Variants in GFRA1 observed in about 807,000 individuals in gnomAD.
GFRA1 encodes the protein GDNF family receptor alpha-1.
A neutral mutation model predicts 51.6 loss-of-function variants in GFRA1; 16 were observed. The ratio of observed to expected loss-of-function variants is 0.31; its 90% CI spans 0.21 to 0.47. The LOEUF (loss-of-function observed/expected upper bound fraction) is 0.47, where lower values mean the gene tolerates loss of function less well. Ranked by LOEUF, GFRA1 falls within the 20% of genes least tolerant of loss-of-function variation. GFRA1 has a pLI of 1.00. For missense variants in GFRA1, 530 were observed against 594.3 expected (o/e 0.89, Z 1.13); for synonymous variants, 270 against 241.3 (o/e 1.12, Z -1.10).
At chr10:116,163,837 T>C (rs1344997476) in intron 5 of GFRA1, among the ~76,000 whole-genome samples, 1 of 152,246 alleles carries the variant, frequency 6.6e-6, no homozygotes, top group Non-Finnish European at 1.5e-5. Flanking sequence ...TGAGGGGTTC[T>C]AACTTGAGTG....
chr10:116,233,307 G>A (rs909268638), intron 4 of GFRA1, among the ~76,000 whole-genome samples: 2 of 151,370 alleles, frequency 1.3e-5, no homozygotes, highest in African/African-American at 2.4e-5. Context: ...CAGCCTGGGC[G>A]ACAGAGTGAG....
At chr10:116,123,367 T>C (rs940775039) in intron 6 of GFRA1, among the ~76,000 whole-genome samples, 2 of 152,184 alleles carry the variant, frequency 1.3e-5, no homozygotes, top group African/African-American at 4.8e-5. Context: ...GTCATCCGAG[T>C]CCTTCCTCAT....
rs1040598308 is a variant in GFRA1, at chr10:116,096,508, C to T, written c.880+147G>A. 4.7e-6 allele frequency: 3 copies of T among 642,982 alleles called. No individual in the cohort carries two copies. The African/African-American group carries it at 5.6e-5, about 12-fold the overall frequency. The allele number at this position is 642,982 out of a possible 1,614,324, so 39.8% of individuals were successfully genotyped here. A position where few individuals can be genotyped will look rare whatever the true frequency, so the allele number is the denominator to read the frequency against. ...TTTTTTTTTTCTTTTTTTTTACAGGCATGTCCTCAAGGATTTAACATCCAA... is the reference window on the plus strand; with the variant it reads ...TTTTTTTTTTCTTTTTTTTTACAGGTATGTCCTCAAGGATTTAACATCCAA... On this transcript the variant is annotated intron_variant, in intron 7 of 10. Transcript: ENST00000355422.
chr10:116,059,666 G>A lies in GFRA1; in HGVS notation c.*4732C>T, dbSNP rs2133732605. On this transcript the variant is annotated 3_prime_UTR_variant, in exon 11 of 11. Coordinates refer to ENST00000355422, the MANE Select transcript of GFRA1 (RefSeq NM_005264.8). Reference sequence around the variant, plus strand: ...GGTCTCAGAACAATCAGAAGTGCAGGTGGCACATTCTGCTGAAAACCACCC... The same window carrying A: ...GGTCTCAGAACAATCAGAAGTGCAGATGGCACATTCTGCTGAAAACCACCC... 1 of 152,326 alleles carries A rather than the reference G, an allele frequency of 6.6e-6. No individual in the cohort carries two copies. 9.4% of individuals were successfully genotyped at this position (152,326 alleles called of 1,614,324 possible). A position where few individuals can be genotyped will look rare whatever the true frequency, so the allele number is the denominator to read the frequency against.
chr10:116,244,943 G>A (rs1276675237), intron 4 of GFRA1, among the ~76,000 whole-genome samples: 2 of 151,988 alleles, frequency 1.3e-5, no homozygotes, highest in Non-Finnish European at 1.5e-5. Flanking sequence ...AGCCAACAGG[G>A]AAACCCTAAA....
At chr10:116,201,263 T>C (rs1469434464) in intron 5 of GFRA1, among the ~76,000 whole-genome samples, 2 of 152,192 alleles carry the variant, frequency 1.3e-5, no homozygotes, top group South Asian at 2.1e-4. Flanking sequence ...AAATGAGTAA[T>C]ATAAATGGGA....
chr10:116,084,705 A>G (rs7087213), intron 9 of GFRA1, among the ~76,000 whole-genome samples: 72,340 of 151,278 alleles, frequency 0.48, 20,968 homozygotes, highest in African/African-American at 0.83. Flanking sequence ...GCAGTGTACA[A>G]TGATGCAAAA....
chr10:116,061,285 A>C lies in GFRA1; in HGVS notation c.*3113T>G, dbSNP rs1954805055. The C allele has an allele frequency of 6.6e-6, 1 of 151,948 alleles. No individual in the cohort carries two copies. The highest frequency in any genetic ancestry group is 2.1e-4 in the South Asian group (1 of 4,806). The allele number at this position is 151,948 out of a possible 1,614,324, so 9.4% of individuals were successfully genotyped here. A position where few individuals can be genotyped will look rare whatever the true frequency, so the allele number is the denominator to read the frequency against. ...AAGAAATGGAAACCACACTCCTATC[A>C]CATTCTAGATCGTTTGCTATACTTC... On this transcript the variant is annotated 3_prime_UTR_variant, in exon 11 of 11. Coordinates refer to ENST00000355422, the MANE Select transcript of GFRA1 (RefSeq NM_005264.8).
At chr10:116,104,981 C>A (rs951131953) in intron 6 of GFRA1, among the ~76,000 whole-genome samples, 1 of 152,148 alleles carries the variant, frequency 6.6e-6, no homozygotes, top group Non-Finnish European at 1.5e-5. Flanking sequence ...GTAATGGGAG[C>A]ACAGAAAGAT....
At chr10:116,117,613 A>G (rs1202245883) in intron 6 of GFRA1, among the ~76,000 whole-genome samples, 1 of 150,208 alleles carries the variant, frequency 6.7e-6, no homozygotes, top group East Asian at 2.0e-4. Flanking sequence ...GGATGGGTGG[A>G]TGGATAGATA....
In GFRA1 at chr10:116,271,022, T is replaced by C; in HGVS notation, c.134A>G (p.Lys45Arg). Reference protein sequence around the residue: ...QCLKEQSCSTKYRTLRQCVAG... With the variant: ...QCLKEQSCSTRYRTLRQCVAG... ...CACGCACTGCCTTAGCGTGCGGTACTTGGTGCTGCAGCTCTGCTCCTTCAG... is the reference window on the plus strand; with the variant it reads ...CACGCACTGCCTTAGCGTGCGGTACCTGGTGCTGCAGCTCTGCTCCTTCAG... The change falls in exon 3 of 11, where the codon AAG becomes AGG. Residue 45 changes from lysine to arginine, a missense_variant. Lys to Arg is a conservative substitution (Grantham distance 26, BLOSUM62 2). Transcript: ENST00000355422. 6.2e-7 allele frequency: 1 copy of C among 1,614,192 alleles called. No individual in the cohort carries two copies.
At chr10:116,083,178 G>C (rs749898931) in intron 9 of GFRA1, among the ~76,000 whole-genome samples, 2 of 152,214 alleles carry the variant, frequency 1.3e-5, no homozygotes, top group African/African-American at 2.4e-5. Flanking sequence ...TGTTAACCAT[G>C]GGTGAAAAGG....
intron 4 of GFRA1, among the ~76,000 whole-genome samples, chr10:116,261,114 A>G (rs1969267468): frequency 6.6e-6 from 1 of 152,204 alleles, no homozygotes; most frequent in Admixed American, 6.5e-5. Context: ...GCTAAAAGAA[A>G]CAAAGAAAAT....
chr10:116,077,812 G>A (rs903200930), intron 9 of GFRA1, among the ~76,000 whole-genome samples: 5 of 152,200 alleles, frequency 3.3e-5, no homozygotes, highest in Admixed American at 3.3e-4. Flanking sequence ...GGGGGGGACA[G>A]CTTGTCCTCC....
At chr10:116,227,166 T>C (rs537155310) in intron 4 of GFRA1, among the ~76,000 whole-genome samples, 1 of 152,104 alleles carries the variant, frequency 6.6e-6, no homozygotes, top group Non-Finnish European at 1.5e-5. Context: ...TGGAACTTTA[T>C]AAAGAATCCA....
chr10:116,166,858 G>A (rs1374944918), intron 5 of GFRA1, among the ~76,000 whole-genome samples: 4 of 136,598 alleles, frequency 2.9e-5, no homozygotes, highest in Admixed American at 8.4e-5. Flanking sequence ...GGAGTGCAGC[G>A]GTGCGATCTC....
At chr10:116,138,122 T>C (rs1244164031) in intron 5 of GFRA1, among the ~76,000 whole-genome samples, 2 of 152,088 alleles carry the variant, frequency 1.3e-5, no homozygotes, top group African/African-American at 4.8e-5. Flanking sequence ...TTTAATGGTG[T>C]TTTGCTTCAT....
At chr10:116,211,731 A>G (rs1965211009) in intron 4 of GFRA1, 86 bp from the exon 5 acceptor site, 3 of 1,121,068 alleles carry the variant, frequency 2.7e-6, no homozygotes, top group Non-Finnish European at 3.9e-6. Context: ...AAAGGACAGT[A>G]TGATGATGAC....
At chr10:116,074,896 T>C (rs1955549499) in intron 9 of GFRA1, among the ~76,000 whole-genome samples, 1 of 152,200 alleles carries the variant, frequency 6.6e-6, no homozygotes, top group South Asian at 2.1e-4. Context: ...CAGTAGGGGA[T>C]ATAAGAAATT....
Sources: allele counts gnomAD v4.1 joint callset (sites outside exome capture counted in the v4.1 genomes callset), GRCh38; gene constraint gnomAD v4.1.1; transcripts MANE v1.5; gene names NCBI Gene and HGNC (gene_info 2026-07-23, HGNC 2026-07-21).